The following DNAAF4 variants were observed in gnomAD, a reference collection of about 807,000 sequenced individuals.
The protein encoded by DNAAF4 is dynein axonemal assembly factor 4.
A neutral mutation model predicts 51.8 loss-of-function variants in DNAAF4; 43 were observed. The ratio of observed to expected loss-of-function variants is 0.83; its 90% CI spans 0.65 to 1.07. DNAAF4 has a LOEUF of 1.07. Ranked by LOEUF, DNAAF4 falls within the 50% of genes least tolerant of loss-of-function variation. The probability of loss-of-function intolerance (pLI) is 0.00; values close to 1 mark genes in which losing one functional copy is unlikely to be tolerated. For missense variants in DNAAF4, 581 were observed against 493.0 expected (o/e 1.18, Z -1.69); for synonymous variants, 194 against 165.6 (o/e 1.17, Z -1.32).
At chr15:55,473,419 T>C (rs1004271408) in intron 4 of DNAAF4, among the ~76,000 whole-genome samples, 1 of 149,258 alleles carries the variant, frequency 6.7e-6, no homozygotes, top group African/African-American at 2.4e-5. Flanking sequence ...AAAATTATAA[T>C]ACACCTTAAT....
Position 55,467,136 on chromosome 15 carries a change from AT to A in DNAAF4, c.430del (p.Ile144Ter), listed in dbSNP as rs755135568. On this transcript the variant is annotated frameshift_variant, in exon 5 of 10. Transcript: ENST00000321149. LOFTEE classifies it high-confidence loss of function. The part of the protein sequence containing the change: ...MKIEEEERKK[I>X]EDMKENERIK... ...CCGTTCATTTTCTTTCATATCTTCT[AT>A]TTTTTTCCTCTCTTCTTCTTCAATC... 2 of 1,538,760 alleles carry A rather than the reference AT, an allele frequency of 1.3e-6. No homozygotes were observed. The highest frequency in any genetic ancestry group is 1.4e-5 in the African/African-American group (1 of 70,710).
At chr15:55,433,914 T>TA (rs1348132665) in intron 8 of DNAAF4, among the ~76,000 whole-genome samples, 6,249 of 18,866 alleles carry the variant, frequency 0.33, 742 homozygotes, top group African/African-American at 0.48. Flanking sequence ...TTATATATAA[T>TA]TATATATATT....
chr15:55,485,783 A>C (rs1280746582), intron 4 of DNAAF4, among the ~76,000 whole-genome samples: 1 of 152,104 alleles, frequency 6.6e-6, no homozygotes, highest in Non-Finnish European at 1.5e-5. Flanking sequence ...TCACGAGGTC[A>C]GGAGATCGAG....
chr15:55,448,519 G>GGGT (rs1555415711), intron 6 of DNAAF4, among the ~76,000 whole-genome samples: 1 of 99,890 alleles, frequency 1.0e-5, no homozygotes, highest in Non-Finnish European at 1.8e-5. Context: ...AAAAAAAAAG[G>GGGT]GTGTGTGTGT....
chr15:55,499,345 C>T (rs2058680380), intron 1 of DNAAF4, among the ~76,000 whole-genome samples: 1 of 152,200 alleles, frequency 6.6e-6, no homozygotes, highest in Non-Finnish European at 1.5e-5. Context: ...TCAGCTGTAT[C>T]AACCAATCAG....
At chr15:55,442,994 A>C (rs1431442925) in intron 6 of DNAAF4, 9 of 1,611,570 alleles carry the variant, frequency 5.6e-6, no homozygotes, top group Non-Finnish European at 6.8e-6. Context: ...ACGTATTCAA[A>C]GCCCAGGCCA....
chr15:55,439,651 T>C (rs1355725146), intron 6 of DNAAF4, 70 bp from the exon 7 acceptor site: 15 of 1,326,034 alleles, frequency 1.1e-5, no homozygotes, highest in Non-Finnish European at 1.5e-5. Flanking sequence ...TTTTAGATTT[T>C]CCATCTTCCT....
At chr15:55,448,225 G>A (rs1032751054) in intron 6 of DNAAF4, among the ~76,000 whole-genome samples, 20 of 152,114 alleles carry the variant, frequency 1.3e-4, no homozygotes, top group South Asian at 8.3e-4. Flanking sequence ...ACTGATTTGC[G>A]TATGTTGAAC....
At chr15:55,476,500 T>C (rs2058336858) in intron 4 of DNAAF4, among the ~76,000 whole-genome samples, 1 of 152,192 alleles carries the variant, frequency 6.6e-6, no homozygotes, top group Non-Finnish European at 1.5e-5. Context: ...AACTAATTCA[T>C]ACCTACAAGA....
At chr15:55,454,556 T>G (rs1330535901) in intron 5 of DNAAF4, among the ~76,000 whole-genome samples, 1 of 151,860 alleles carries the variant, frequency 6.6e-6, no homozygotes, top group Non-Finnish European at 1.5e-5. Flanking sequence ...TTTTGTATTT[T>G]TAGTAGAGAT....
chr15:55,442,647 A>C, intron 6 of DNAAF4: 3 of 1,530,710 alleles, frequency 2.0e-6, no homozygotes, highest in Non-Finnish European at 2.7e-6. Flanking sequence ...TCAGACTTTT[A>C]GCAGGATTCA....
chr15:55,490,956 G>GAA (rs1036181161), intron 4 of DNAAF4, 167 bp downstream of exon 4: 712 of 603,252 alleles, frequency 1.2e-3, no homozygotes, highest in South Asian at 1.9e-3. Flanking sequence ...TCGGTCTCAA[G>GAA]AAAAAAAAAA....
At chr15:55,440,213 T>C (rs1049880060) in intron 6 of DNAAF4, among the ~76,000 whole-genome samples, 4 of 147,688 alleles carry the variant, frequency 2.7e-5, no homozygotes, top group Non-Finnish European at 6.0e-5. Flanking sequence ...CCACCATGCC[T>C]GGCTAATTTT....
At chr15:55,418,105 C>T (rs745395653) in exon 8 of DNAAF4, 27 of 1,585,814 alleles carry the variant, frequency 1.7e-5, no homozygotes, top group Non-Finnish European at 1.9e-5. Context: ...AGAGGCCTGA[C>T]ATTCAATGCC....
chr15:55,467,897 C>T (rs2058192628), intron 4 of DNAAF4, among the ~76,000 whole-genome samples: 1 of 151,332 alleles, frequency 6.6e-6, no homozygotes, highest in African/African-American at 2.4e-5. Context: ...GAAAAAAAAC[C>T]TTGTGAAACA....
At chr15:55,494,489 G>A (rs2058614311) in intron 3 of DNAAF4, among the ~76,000 whole-genome samples, 1 of 152,042 alleles carries the variant, frequency 6.6e-6, no homozygotes, top group Non-Finnish European at 1.5e-5. Flanking sequence ...TCAGCTCGCT[G>A]CAACCTCCAC....
chr15:55,479,255 G>C (rs1567026347), intron 4 of DNAAF4, among the ~76,000 whole-genome samples: 1 of 151,828 alleles, frequency 6.6e-6, no homozygotes, highest in Non-Finnish European at 1.5e-5. Context: ...AGTGTTGCGG[G>C]AAGTCAGGGA....
At chr15:55,422,949 A>G (rs569362786) in intron 7 of DNAAF4, among the ~76,000 whole-genome samples, 4 of 152,100 alleles carry the variant, frequency 2.6e-5, no homozygotes, top group Non-Finnish European at 5.9e-5. Flanking sequence ...ATGAGCCAAG[A>G]TCACGACATT....
intron 6 of DNAAF4, among the ~76,000 whole-genome samples, chr15:55,444,408 T>C (rs1020705705): frequency 2.0e-5 from 3 of 152,222 alleles, no homozygotes; most frequent in African/African-American, 7.2e-5. Context: ...TCTATATCTC[T>C]GTTTCAGTAT....
Sources: allele counts gnomAD v4.1 joint callset (sites outside exome capture counted in the v4.1 genomes callset), GRCh38; gene constraint gnomAD v4.1.1; transcripts MANE v1.5; gene names NCBI Gene and HGNC (gene_info 2026-07-23, HGNC 2026-07-21).